The following NR1H4 variants were observed in gnomAD, a reference collection of about 807,000 sequenced individuals.
NR1H4 encodes the protein bile acid receptor.
Under a neutral mutation model 58.5 loss-of-function variants are expected in NR1H4, and 23 were observed. That is an observed-to-expected ratio of 0.39 (90% CI 0.28 to 0.56). The LOEUF (loss-of-function observed/expected upper bound fraction) is 0.56. NR1H4 is among the 20% of genes least tolerant of loss of function. The probability of loss-of-function intolerance (pLI) is 0.58; values close to 1 mark genes in which losing one functional copy is unlikely to be tolerated. For synonymous variants in NR1H4, 214 were observed against 198.0 expected, an observed-to-expected ratio of 1.08 and a Z score of -0.68; for missense variants, 487 against 576.9, an observed-to-expected ratio of 0.84 and a Z score of 1.60.
Position 100,517,020 on chromosome 12 carries a change from A to T in NR1H4, c.445+5877A>T, listed in dbSNP as rs1394151186. On this transcript the variant is annotated intron_variant, in intron 4 of 10. Coordinates refer to ENST00000392986, the MANE Select transcript of NR1H4 (RefSeq NM_001206979.2). ...AGCACATCTAACAGCTTAATTTATC[A>T]TTTCTTCATTATGAGAATATTAAAA... Among the ~76,000 whole-genome samples the T allele has an allele frequency of 2.0e-5, 3 of 152,128 alleles. No homozygotes were observed. In the East Asian group the frequency reaches 5.8e-4, roughly 29 times the overall value.
chr12:100,509,755 AAC>A lies in NR1H4; in HGVS notation c.80-1019_80-1018del, dbSNP rs377744277. Among the ~76,000 whole-genome samples, 13 of 152,322 alleles carry A rather than the reference AAC, an allele frequency of 8.5e-5. No homozygotes were observed. In the East Asian group the frequency reaches 2.5e-3, roughly 29 times the overall value. On this transcript the variant is annotated intron_variant, in intron 3 of 10. Transcript: ENST00000392986. ...TCCTTTGTTTTATAATGATTAAAAT[AAC>A]ACATACATATACACATGGCAAAAAC...
chr12:100,510,565 T>C (rs1489086655), intron 3 of NR1H4, among the ~76,000 whole-genome samples: 2 of 149,282 alleles, frequency 1.3e-5, no homozygotes, highest in East Asian at 2.0e-4. Context: ...CTGTCCTCTA[T>C]GTTGCAGATA....
chr12:100,543,858 CTT>C (rs1954995553), intron 9 of NR1H4, among the ~76,000 whole-genome samples: 1 of 152,128 alleles, frequency 6.6e-6, no homozygotes, highest in Non-Finnish European at 1.5e-5. Flanking sequence ...GTGGTTCTCT[CTT>C]TATGCAGAAA....
chr12:100,563,570 AC>A lies in NR1H4; in HGVS notation c.*84del. The A allele has an allele frequency of 9.5e-7, 1 of 1,052,494 alleles. No homozygotes were observed. Among genetic ancestry groups the A allele is most frequent in the Non-Finnish European group, 1.5e-6 (1 of 672,744 alleles). 65.2% of individuals were successfully genotyped at this position (1,052,494 alleles called of 1,614,324 possible). A position where few individuals can be genotyped will look rare whatever the true frequency, so the allele number is the denominator to read the frequency against. On this transcript the variant is annotated 3_prime_UTR_variant, in exon 11 of 11. Coordinates refer to ENST00000392986, the MANE Select transcript of NR1H4 (RefSeq NM_001206979.2). ...TATAACTTTCCTTTATTTCACTTGT[AC>A]CCAGTTTCACTCAAGAAATCTTGAT...
At chr12:100,484,971 A>G (rs1331623210) in intron 1 of NR1H4, among the ~76,000 whole-genome samples, 1 of 152,234 alleles carries the variant, frequency 6.6e-6, no homozygotes, top group Non-Finnish European at 1.5e-5. Flanking sequence ...GAAGCTTTCC[A>G]TATATAATTT....
intron 4 of NR1H4, among the ~76,000 whole-genome samples, chr12:100,512,031 G>A (rs780225510): frequency 1.3e-4 from 19 of 151,620 alleles, no homozygotes; most frequent in South Asian, 2.1e-4. Context: ...CCAGGAGTTC[G>A]AGACTAGATA....
intron 5 of NR1H4, among the ~76,000 whole-genome samples, chr12:100,533,857 G>A (rs2136231841): frequency 6.6e-6 from 1 of 152,022 alleles, no homozygotes; most frequent in Non-Finnish European, 1.5e-5. Context: ...TGGGATGAAG[G>A]GAAGATTGTT....
chr12:100,482,346 C>T (rs955641906), intron 1 of NR1H4, among the ~76,000 whole-genome samples: 1 of 151,752 alleles, frequency 6.6e-6, no homozygotes, highest in Admixed American at 6.6e-5. Flanking sequence ...TGTTGTATGC[C>T]TCTATTCACT....
chr12:100,509,792 TA>T (rs968889778), intron 3 of NR1H4, among the ~76,000 whole-genome samples: 1 of 152,102 alleles, frequency 6.6e-6, no homozygotes, highest in African/African-American at 2.4e-5. Flanking sequence ...CTACAAACAG[TA>T]AAAAAAATTA....
intron 9 of NR1H4, among the ~76,000 whole-genome samples, chr12:100,556,479 A>G (rs915122206): frequency 6.6e-6 from 1 of 151,606 alleles, no homozygotes; most frequent in Non-Finnish European, 1.5e-5. Context: ...AAGAAAAAAA[A>G]AACAAAAAAC....
chr12:100,477,131 T>C (rs1196096514), intron 1 of NR1H4, among the ~76,000 whole-genome samples: 1 of 152,170 alleles, frequency 6.6e-6, no homozygotes, highest in East Asian at 1.9e-4. Context: ...CACAGTGAAT[T>C]ATTTTCTCCC....
Position 100,493,295 on chromosome 12 carries a change from A to G in NR1H4, c.-29A>G. The G allele has an allele frequency of 8.7e-7, 1 of 1,149,728 alleles. No homozygotes were observed. Among genetic ancestry groups the G allele is most frequent in the East Asian group, 2.4e-5 (1 of 41,856 alleles). The allele number at this position is 1,149,728 out of a possible 1,614,324, so 71.2% of individuals were successfully genotyped here. On this transcript the variant is annotated 5_prime_UTR_variant, in exon 3 of 11. Coordinates refer to ENST00000392986, the MANE Select transcript of NR1H4 (RefSeq NM_001206979.2). The stretch of plus-strand genomic sequence containing the variant: ...GAGTTTTTTTTGAAGACCACCATAA[A>G]GAAAGTGCATTTCAATTGAAAAATT...
intron 9 of NR1H4, among the ~76,000 whole-genome samples, chr12:100,560,323 G>A (rs1346853703): frequency 6.6e-6 from 1 of 152,194 alleles, no homozygotes; most frequent in Non-Finnish European, 1.5e-5. Flanking sequence ...ACACTGTGGA[G>A]GCTTTGTTCT....
intron 3 of NR1H4, among the ~76,000 whole-genome samples, chr12:100,500,370 A>C (rs1422335217): frequency 6.6e-6 from 1 of 152,172 alleles, no homozygotes; most frequent in East Asian, 1.9e-4. Flanking sequence ...CAACATTCAC[A>C]GTGCTCCCAA....
intron 9 of NR1H4, among the ~76,000 whole-genome samples, chr12:100,561,366 C>G (rs1012347286): frequency 7.9e-5 from 12 of 151,982 alleles, no homozygotes; most frequent in African/African-American, 2.9e-4. Flanking sequence ...CCACTGCACT[C>G]CAGCCTGGGT....
At chr12:100,522,205 A>G (rs545100822) in intron 4 of NR1H4, among the ~76,000 whole-genome samples, 1 of 152,110 alleles carries the variant, frequency 6.6e-6, no homozygotes, top group South Asian at 2.1e-4. Flanking sequence ...GATGATGGTA[A>G]TTATGGTAAT....
At chr12:100,501,298 CTG>C (rs1332015504) in intron 3 of NR1H4, among the ~76,000 whole-genome samples, 1 of 151,928 alleles carries the variant, frequency 6.6e-6, no homozygotes, top group Admixed American at 6.6e-5. Flanking sequence ...AAGGATAGCT[CTG>C]GGATTGTGAG....
At chr12:100,527,825 C>T (rs967973887) in intron 4 of NR1H4, among the ~76,000 whole-genome samples, 3 of 151,954 alleles carry the variant, frequency 2.0e-5, no homozygotes, top group African/African-American at 4.8e-5. Flanking sequence ...AGGACATGAA[C>T]TCATCATTTT....
intron 9 of NR1H4, among the ~76,000 whole-genome samples, chr12:100,544,192 C>T (rs996580052): frequency 3.6e-5 from 5 of 139,988 alleles, no homozygotes; most frequent in African/African-American, 5.5e-5. Flanking sequence ...GTGGAGCTTA[C>T]AGTGAGCCGA....
Sources: allele counts gnomAD v4.1 joint callset (sites outside exome capture counted in the v4.1 genomes callset), GRCh38; gene constraint gnomAD v4.1.1; transcripts MANE v1.5; gene names NCBI Gene and HGNC (gene_info 2026-07-23, HGNC 2026-07-21).